HAS3: variants seen among roughly 807,000 people sequenced by gnomAD.
The protein encoded by HAS3 is hyaluronan synthase 3.
In HAS3, 27 loss-of-function variants were observed where a neutral mutation model predicts 50.3. The observed-to-expected ratio is 0.54, with a 90% CI of 0.40 to 0.74. The LOEUF (loss-of-function observed/expected upper bound fraction) is 0.74, where lower values mean the gene tolerates loss of function less well. HAS3 is among the 30% of genes least tolerant of loss of function. HAS3 has a pLI of 0.00. For missense variants in HAS3, 517 were observed against 742.8 expected (o/e 0.70, Z 3.53); for synonymous variants, 339 against 310.9 (o/e 1.09, Z -0.95).
intron 2 of HAS3, among the ~76,000 whole-genome samples, chr16:69,110,487 T>C (rs1960963963): frequency 1.3e-5 from 2 of 152,130 alleles, no homozygotes; most frequent in Admixed American, 1.3e-4. Context: ...GCATGATCAA[T>C]ACGCACTATA....
Position 69,116,680 on chromosome 16 carries a change from C to A in HAS3, c.*1414C>A. The A allele has an allele frequency of 1.0e-6, 1 of 985,308 alleles. No homozygotes were observed. Among genetic ancestry groups the A allele is most frequent in the Non-Finnish European group, 1.2e-6 (1 of 829,824 alleles). 61.0% of individuals were successfully genotyped at this position (985,308 alleles called of 1,614,324 possible). A position where few individuals can be genotyped will look rare whatever the true frequency, so the allele number is the denominator to read the frequency against. On this transcript the variant is annotated 3_prime_UTR_variant, in exon 4 of 4. Coordinates refer to ENST00000569188, the MANE Select transcript of HAS3 (RefSeq NM_001199280.2). ...GCTTTCTCTCTCATGCCTCCTGAGG[C>A]TGTTTTTGGCTGTTTTCCCTCTGCT...
At chr16:69,096,858 C>T in the HAS3 span, among the ~76,000 whole-genome samples, 3 of 151,938 alleles carry the variant, frequency 2.0e-5, no homozygotes, top group Admixed American at 6.6e-5. Flanking sequence ...ACCTCGTGAT[C>T]CGCCCACCTC....
Position 69,109,491 on chromosome 16 carries a change from C to A in HAS3, c.96C>A (p.Gly32=). ...LGGILAAYVT[G]YQFIHTEKHY... is the part of the protein sequence containing the mutation. ...GCATCCTGGCAGCCTATGTGACGGG[C>A]TACCAGTTCATCCACACGGAAAAGC... Residue 32 remains glycine, a synonymous_variant, in exon 2 of 4, where the codon GGC becomes GGA. Coordinates refer to ENST00000569188, the MANE Select transcript of HAS3 (RefSeq NM_001199280.2). The surrounding 1 kb of genome is among the most constrained non-coding windows in gnomAD (Gnocchi z 5.3). 4 of 1,613,982 alleles carry A rather than the reference C, an allele frequency of 2.5e-6. No individual in the cohort carries two copies. Among genetic ancestry groups the A allele is most frequent in the Non-Finnish European group, 3.4e-6 (4 of 1,180,034 alleles).
In HAS3 at chr16:69,107,946, A is replaced by G. The variant is rs1325566406; in HGVS notation, c.1-1450A>G. Among the ~76,000 whole-genome samples, 1 of 152,210 alleles carries G rather than the reference A, an allele frequency of 6.6e-6. No homozygotes were observed. The highest frequency in any genetic ancestry group is 1.9e-4 in the East Asian group (1 of 5,196). ...CTGCTAGTGCCGGAGTCTCAGGTCG[A>G]TTTAGGCAGTGACTGCGTGTTCTTC... On this transcript the variant is annotated intron_variant, in intron 1 of 3. Coordinates refer to ENST00000569188, the MANE Select transcript of HAS3 (RefSeq NM_001199280.2). The surrounding 1 kb of genome is among the most constrained non-coding windows in gnomAD (Gnocchi z 5.5).
the HAS3 span, among the ~76,000 whole-genome samples, chr16:69,086,733 C>T: frequency 3.9e-5 from 6 of 152,028 alleles, no homozygotes; most frequent in East Asian, 3.9e-4. Context: ...GGAGAAACCC[C>T]GTCTCTACTA....
chr16:69,104,992 G>GGTTTT (rs1567576954), upstream of HAS3, among the ~76,000 whole-genome samples: 8 of 81,982 alleles, frequency 9.8e-5, 1 homozygote, highest in Admixed American at 1.7e-4. Flanking sequence ...CTGTTTTTTG[G>GGTTTT]TTTTTTTTTT....
chr16:69,114,556 C>T lies in HAS3; in HGVS notation c.952C>T (p.Arg318Trp), dbSNP rs1460418266. The change falls in exon 4 of 4, where the codon CGG becomes TGG. Residue 318 changes from arginine (R) to tryptophan (W), a missense_variant. Arg to Trp is a moderately radical substitution (Grantham distance 101, BLOSUM62 -3). Coordinates refer to ENST00000569188, the MANE Select transcript of HAS3 (RefSeq NM_001199280.2). This position sits in a 1 kb window ranked among gnomAD's most constrained non-coding sequence, Gnocchi z 6.4. ...LGSKCSFGDD[R>W]HLTNRVLSLG... is the part of the protein sequence containing the mutation. ...CAGCAAGTGCAGCTTCGGGGATGAC[C>T]GGCACCTCACCAACCGAGTCCTGAG... is the stretch of plus-strand genomic sequence containing the variant. The T allele has an allele frequency of 1.9e-6, 3 of 1,613,938 alleles. No individual in the cohort carries two copies. The highest frequency in any genetic ancestry group is 1.7e-6 in the Non-Finnish European group (2 of 1,180,016).
downstream of HAS3, chr16:69,118,249 C>CTAAG (rs369172277): frequency 1.3e-4 from 98 of 749,412 alleles, no homozygotes; most frequent in Middle Eastern, 2.1e-3. Context: ...CTGGCCACCT[C>CTAAG]TAAGTCCCAG....
At chr16:69,101,652 C>A (rs141269931), upstream of HAS3, among the ~76,000 whole-genome samples, 1 of 152,348 alleles carries the variant, frequency 6.6e-6, no homozygotes, top group East Asian at 1.9e-4. Context: ...TTCTACATAG[C>A]AGCTCAGGTT....
chr16:69,094,558 G>A, the HAS3 span, among the ~76,000 whole-genome samples: 5 of 152,254 alleles, frequency 3.3e-5, no homozygotes, highest in South Asian at 6.2e-4. Flanking sequence ...AGACCAGGGC[G>A]GTGTGATAGA....
In HAS3 at chr16:69,110,873, T is replaced by A. The variant is rs1189670796; in HGVS notation, c.636+842T>A. On this transcript the variant is annotated intron_variant, in intron 2 of 3. Coordinates refer to ENST00000569188, the MANE Select transcript of HAS3 (RefSeq NM_001199280.2). Reference sequence around the variant, plus strand: ...AAAAACACTCAAAATATTCTAGTTATGGCCAAAAAGTCCCATTCTTCCTAG... The same window carrying A: ...AAAAACACTCAAAATATTCTAGTTAAGGCCAAAAAGTCCCATTCTTCCTAG... 2.0e-5 allele frequency among the ~76,000 whole-genome samples: 3 copies of A among 152,170 alleles called. No individual in the cohort carries two copies. The East Asian group carries it at 5.8e-4, about 29-fold the overall frequency.
At chr16:69,105,152 CATGGTGCCCGT>C (rs1183700929), upstream of HAS3, among the ~76,000 whole-genome samples, 2 of 151,956 alleles carry the variant, frequency 1.3e-5, no homozygotes, top group Non-Finnish European at 2.9e-5. Flanking sequence ...GGATTACGGG[CATGGTGCCCGT>C]AACGCCGAAA....
chr16:69,093,775 C>G, the HAS3 span, among the ~76,000 whole-genome samples: 2 of 151,906 alleles, frequency 1.3e-5, no homozygotes, highest in Non-Finnish European at 2.9e-5. Flanking sequence ...GGTGATCCGC[C>G]CACCTCAGCC....
chr16:69,098,601 A>C, the HAS3 span, among the ~76,000 whole-genome samples: 1 of 152,010 alleles, frequency 6.6e-6, no homozygotes, highest in Non-Finnish European at 1.5e-5. Flanking sequence ...TCAGAGAAAA[A>C]AAATCCATTG....
chr16:69,094,710 A>G, the HAS3 span, among the ~76,000 whole-genome samples: 1 of 152,160 alleles, frequency 6.6e-6, no homozygotes, highest in Admixed American at 6.5e-5. Flanking sequence ...AGTGAATCCA[A>G]GTTGTTTTGA....
At position 69,114,778 on chromosome 16, in the gene HAS3, T is replaced by C; in HGVS notation, c.1174T>C (p.Phe392Leu). The C allele has an allele frequency of 6.2e-7, 1 of 1,614,152 alleles. No individual in the cohort carries two copies. The highest frequency in any genetic ancestry group is 8.5e-7 in the Non-Finnish European group (1 of 1,180,014). Reference sequence around the variant, plus strand: ...AGTGGTCACGGGTTTCTTCCCCTTCTTCCTCATTGCCACGGTTATACAGCT... The same window carrying C: ...AGTGGTCACGGGTTTCTTCCCCTTCCTCCTCATTGCCACGGTTATACAGCT... ...ESVVTGFFPF[F>L]LIATVIQLFY... is the part of the protein sequence containing the mutation. The change falls in exon 4 of 4, where the codon TTC becomes CTC. Residue 392 changes from phenylalanine to leucine, a missense_variant. Physicochemically the swap from Phe to Leu is conservative, Grantham distance 22. Transcript: ENST00000569188. The surrounding 1 kb of genome is among the most constrained non-coding windows in gnomAD (Gnocchi z 6.4).
upstream of HAS3, among the ~76,000 whole-genome samples, chr16:69,105,326 C>T (rs982898719): frequency 2.5e-4 from 38 of 152,070 alleles, 1 homozygote; most frequent in African/African-American, 7.2e-4. Context: ...ACAACTCTCC[C>T]CCCTCCTCGA....
Position 69,109,341 on chromosome 16 carries a change from G to A in HAS3, c.1-55G>A, listed in dbSNP as rs1040652741. 78 of 1,541,934 alleles carry A rather than the reference G, an allele frequency of 5.1e-5. No homozygotes were observed. The highest frequency in any genetic ancestry group is 5.9e-5 in the Non-Finnish European group (68 of 1,145,304). The stretch of plus-strand genomic sequence containing the variant: ...TAACAGAGAACACCCATGCTCCCAC[G>A]GACTGGAAATGCTGCCTCCTGCCTG... On this transcript the variant is annotated intron_variant, in intron 1 of 3. Transcript: ENST00000569188. This position sits in a 1 kb window ranked among gnomAD's most constrained non-coding sequence, Gnocchi z 5.3.
rs1961220510 is a variant in HAS3, at chr16:69,117,160, T to TTAAAC, written c.*1897_*1901dup. 5.1e-6 allele frequency: 5 copies of TTAAAC among 985,752 alleles called. No individual in the cohort carries two copies. The South Asian group carries it at 1.9e-4, about 37-fold the overall frequency. The allele number at this position is 985,752 out of a possible 1,614,324, so 61.1% of individuals were successfully genotyped here. Reference sequence around the variant, plus strand: ...GGCAATCGTTCTGCTGGCCAAGAAGTTAAACTATTTTGAGCATTAGAATGG... The same window carrying TTAAAC: ...GGCAATCGTTCTGCTGGCCAAGAAGTTAAACTAAACTATTTTGAGCATTAGAATGG... On this transcript the variant is annotated 3_prime_UTR_variant, in exon 4 of 4. Coordinates refer to ENST00000569188, the MANE Select transcript of HAS3 (RefSeq NM_001199280.2).
Sources: gnomAD v4.1 joint callset for allele counts (sites outside exome capture counted in the v4.1 genomes callset) on GRCh38, gnomAD v4.1.1 for gene constraint, Gnocchi (gnomAD v3.1) non-coding constraint, MANE v1.5 for transcripts, NCBI Gene and HGNC (gene_info 2026-07-23, HGNC 2026-07-21) for gene names.